The following CLGN variants were observed in gnomAD, a reference collection of about 807,000 sequenced individuals.
The protein encoded by CLGN is calmegin, also known as testis tissue sperm-binding protein Li 79P.
Under a neutral mutation model 79.1 loss-of-function variants are expected in CLGN, and 62 were observed. The ratio of observed to expected loss-of-function variants is 0.78; its 90% CI spans 0.64 to 0.97. The LOEUF (loss-of-function observed/expected upper bound fraction) is 0.97, where lower values mean the gene tolerates loss of function less well. Ranked by LOEUF, CLGN falls within the 50% of genes least tolerant of loss-of-function variation. The pLI is 0.00. For missense variants in CLGN, 647 were observed against 715.5 expected (o/e 0.90, Z 1.09); for synonymous variants, 225 against 224.7 (o/e 1.00, Z -0.01).
In CLGN at chr4:140,398,894, T is replaced by C; in HGVS notation, c.841A>G (p.Arg281Gly). Residue 281 changes from arginine (R) to glycine (G), a missense_variant, in exon 8 of 15, where the codon AGA becomes GGA. Arg to Gly is a moderately radical substitution (Grantham distance 125). Coordinates refer to ENST00000325617, the MANE Select transcript of CLGN (RefSeq NM_004362.3). ...NDKKPEEWDE[R>G]AKIPDPSAVK... ...GCAGAAGGATCAGGAATTTTTGCTC[T>C]TTCATCCCATTCCTCAGGTTTTTTA... 1 of 1,613,964 alleles carries C rather than the reference T, an allele frequency of 6.2e-7. No individual in the cohort carries two copies. The highest frequency in any genetic ancestry group is 8.5e-7 in the Non-Finnish European group (1 of 1,179,926).
chr4:140,411,670 G>A (rs1729213453), intron 2 of CLGN, among the ~76,000 whole-genome samples: 1 of 152,034 alleles, frequency 6.6e-6, no homozygotes, highest in Admixed American at 6.6e-5. Context: ...GTCTGTTTAA[G>A]GGAGGGAAAT....
At chr4:140,426,789 T>C (rs1361094888) in intron 1 of CLGN, 1 of 152,292 alleles carries the variant, frequency 6.6e-6, no homozygotes, top group African/African-American at 2.4e-5. Flanking sequence ...GGGCAGATGC[T>C]ATAAATAAAA....
At chr4:140,390,962 G>T (rs1392408704) in intron 13 of CLGN, among the ~76,000 whole-genome samples, 1 of 151,686 alleles carries the variant, frequency 6.6e-6, no homozygotes, top group Non-Finnish European at 1.5e-5. Context: ...TAAGCATTCA[G>T]TCTGTATGTA....
In CLGN at chr4:140,402,007, G is replaced by C; in HGVS notation, c.479C>G (p.Ala160Gly). The part of the protein sequence containing the change: ...DCGGAYIKLL[A>G]DTDDLILENF... ...TACCAGAATCAAATCATCAGTGTCTGCTAGGAGTTTAATGTATGCACCTCC... is the reference window on the plus strand; with the variant it reads ...TACCAGAATCAAATCATCAGTGTCTCCTAGGAGTTTAATGTATGCACCTCC... The change falls in exon 6 of 15, where the codon GCA (alanine) becomes GGA (glycine). Residue 160 changes from alanine (A) to glycine (G), a missense_variant. By Grantham distance (60) the Ala-to-Gly change is moderately conservative. Coordinates refer to ENST00000325617, the MANE Select transcript of CLGN (RefSeq NM_004362.3). 1 of 1,572,774 alleles carries C rather than the reference G, an allele frequency of 6.4e-7. No homozygotes were observed. The highest frequency in any genetic ancestry group is 8.7e-7 in the Non-Finnish European group (1 of 1,154,154).
At position 140,392,383 on chromosome 4, in the gene CLGN, G is replaced by C; in HGVS notation, c.1492-5C>G. ...CTCTGTATCTTTATGTTTTTTCTGT[G>C]GTAGTTAACATAAGTTATTTTTACT... On this transcript the variant is annotated splice_polypyrimidine_tract_variant and splice_region_variant and intron_variant, in intron 12 of 14. Coordinates refer to ENST00000325617, the MANE Select transcript of CLGN (RefSeq NM_004362.3). 1.9e-6 allele frequency: 3 copies of C among 1,580,250 alleles called. No individual in the cohort carries two copies. Among genetic ancestry groups the C allele is most frequent in the Non-Finnish European group, 2.6e-6 (3 of 1,168,782 alleles).
intron 13 of CLGN, among the ~76,000 whole-genome samples, chr4:140,391,109 G>C (rs1001547947): frequency 4.0e-5 from 6 of 151,364 alleles, no homozygotes; most frequent in African/African-American, 1.5e-4. Flanking sequence ...CATTTTTTCA[G>C]TTATTGACCC....
chr4:140,414,825 G>T (rs1159127572), intron 1 of CLGN, among the ~76,000 whole-genome samples: 1 of 150,334 alleles, frequency 6.7e-6, no homozygotes, highest in Admixed American at 6.6e-5. Flanking sequence ...GCAGGCCAAC[G>T]TTCAGATTCA....
At chr4:140,410,942 A>ATTTCAT (rs1413202774) in intron 2 of CLGN, among the ~76,000 whole-genome samples, 9 of 152,110 alleles carry the variant, frequency 5.9e-5, no homozygotes, top group Non-Finnish European at 4.4e-5. Flanking sequence ...AGGAAACAGC[A>ATTTCAT]TAATGAAAAG....
intron 7 of CLGN, 126 bp from the exon 8 acceptor site, chr4:140,399,166 A>C (rs753632930): frequency 1.4e-6 from 1 of 699,786 alleles, no homozygotes; most frequent in Non-Finnish European, 2.2e-6. Flanking sequence ...AAATAGAGGA[A>C]TAACCAATGT....
intron 6 of CLGN, among the ~76,000 whole-genome samples, 173 bp downstream of exon 6, chr4:140,401,812 C>G (rs565431058): frequency 1.3e-5 from 2 of 152,098 alleles, no homozygotes; most frequent in African/African-American, 4.8e-5. Context: ...AGTAACACAG[C>G]TTTATATAAA....
chr4:140,397,760 C>T (rs754631248), intron 8 of CLGN, among the ~76,000 whole-genome samples: 11 of 151,848 alleles, frequency 7.2e-5, no homozygotes, highest in Admixed American at 2.0e-4. Flanking sequence ...AAAAATTAGC[C>T]GGGCGTGGTG....
At chr4:140,410,486 G>T in intron 3 of CLGN, 67 bp downstream of exon 3, 1 of 1,142,194 alleles carries the variant, frequency 8.8e-7, no homozygotes, top group Non-Finnish European at 1.3e-6. Flanking sequence ...ATTTTCATAG[G>T]CCAAAACCTA....
At chr4:140,395,447 A>G (rs1728855471) in intron 10 of CLGN, among the ~76,000 whole-genome samples, 1 of 152,164 alleles carries the variant, frequency 6.6e-6, no homozygotes, top group Non-Finnish European at 1.5e-5. Context: ...TACCTGGCCA[A>G]AAATCAGAAT....
chr4:140,419,708 C>G (rs1179157454), intron 1 of CLGN, among the ~76,000 whole-genome samples: 1 of 152,046 alleles, frequency 6.6e-6, no homozygotes, highest in Non-Finnish European at 1.5e-5. Context: ...TCCACAATTA[C>G]ATAATTACTT....
chr4:140,406,769 C>A (rs1729115907), intron 4 of CLGN, among the ~76,000 whole-genome samples: 1 of 152,190 alleles, frequency 6.6e-6, no homozygotes, highest in Non-Finnish European at 1.5e-5. Flanking sequence ...GGGCCACATA[C>A]AATGCAAAGC....
chr4:140,405,427 G>A (rs1049395226), intron 5 of CLGN, among the ~76,000 whole-genome samples: 59 of 151,372 alleles, frequency 3.9e-4, no homozygotes, highest in African/African-American at 1.3e-3. Flanking sequence ...CTCGTGATCT[G>A]CCCGCCTCGG....
Position 140,407,449 on chromosome 4 carries a change from C to T in CLGN, c.278-1366G>A, listed in dbSNP as rs1451068804. On this transcript the variant is annotated intron_variant, in intron 4 of 14. Transcript: ENST00000325617. ...AAACCCAAAAGACTCATCCAATAGA[C>T]TACTAGACTTGAAAAATCAATTCAA... is the stretch of plus-strand genomic sequence containing the variant. 3.3e-5 allele frequency among the ~76,000 whole-genome samples: 5 copies of T among 152,012 alleles called. No homozygotes were observed. The East Asian group carries it at 9.6e-4, about 29-fold the overall frequency.
At chr4:140,398,742 A>T in intron 8 of CLGN, 109 bp downstream of exon 8, 2 of 844,652 alleles carry the variant, frequency 2.4e-6, no homozygotes, top group Non-Finnish European at 3.7e-6. Context: ...AAAAATAAGT[A>T]GTTCTGATGT....
intron 10 of CLGN, 152 bp from the exon 11 acceptor site, chr4:140,394,193 T>C (rs973224601): frequency 2.7e-5 from 16 of 599,582 alleles, no homozygotes; most frequent in Middle Eastern, 4.4e-4. Context: ...ATACTGGATA[T>C]AAAATCTTGT....
Sources: allele counts gnomAD v4.1 joint callset (sites outside exome capture counted in the v4.1 genomes callset), GRCh38; gene constraint gnomAD v4.1.1; transcripts MANE v1.5; gene names NCBI Gene and HGNC (gene_info 2026-07-23, HGNC 2026-07-21).